WDR12: variants seen among roughly 807,000 people sequenced by gnomAD.
WDR12 encodes WD repeat domain 12, also known as ribosome biogenesis protein WDR12.
A neutral mutation model predicts 64.3 loss-of-function variants in WDR12; 42 were observed. The ratio of observed to expected loss-of-function variants is 0.65; its 90% CI spans 0.51 to 0.84. The LOEUF (loss-of-function observed/expected upper bound fraction) is 0.84, where lower values mean the gene tolerates loss of function less well. Among genes scored for constraint, WDR12 ranks in the 40% least tolerant of loss-of-function variants. The pLI, the probability that WDR12 is intolerant of heterozygous loss-of-function variation, is 0.00. For synonymous variants in WDR12, 158 were observed against 173.3 expected (o/e 0.91, Z 0.70); for missense variants, 469 against 494.6 (o/e 0.95, Z 0.49).
intron 2 of WDR12, among the ~76,000 whole-genome samples, chr2:202,903,930 G>A (rs1688402830): frequency 6.6e-6 from 1 of 151,984 alleles, no homozygotes; most frequent in Non-Finnish European, 1.5e-5. Context: ...CTGAGGTCAG[G>A]AGCTCGTGAC....
In WDR12 at chr2:202,881,613, T is replaced by C. The variant is rs554793187; in HGVS notation, c.1195-676A>G. Among the ~76,000 whole-genome samples, 14 of 152,228 alleles carry C rather than the reference T, an allele frequency of 9.2e-5. No homozygotes were observed. The East Asian group carries it at 2.7e-3, about 29-fold the overall frequency. ...TTGGGGAACACAGTGAGACCACGTC[T>C]CTACAAAAAATTTAAAAATTTGCCA... On this transcript the variant is annotated intron_variant, in intron 12 of 12. Transcript: ENST00000261015.
rs1057383435 is a variant in WDR12, at chr2:202,896,130, G to C, written c.544C>G (p.Leu182Val). 3.7e-6 allele frequency: 6 copies of C among 1,613,984 alleles called. No homozygotes were observed. The African/African-American group carries it at 6.7e-5, about 18-fold the overall frequency. ...CCAGCATGACCTCTACAGCAGTGTAGGGCTTTCACTTTGTTTCTCTCTACA... is the reference window on the plus strand; with the variant it reads ...CCAGCATGACCTCTACAGCAGTGTACGGCTTTCACTTTGTTTCTCTCTACA... Reference protein sequence around the residue: ...WNVERNKVKALHCCRGHAGSV... With the variant: ...WNVERNKVKAVHCCRGHAGSV... The change falls in exon 6 of 13, where the codon CTA becomes GTA. Residue 182 changes from leucine to valine, a missense_variant. Leu to Val is a conservative substitution (Grantham distance 32). Transcript: ENST00000261015.
intron 11 of WDR12, 167 bp from the exon 12 acceptor site, chr2:202,882,950 G>T (rs1687981636): frequency 1.9e-6 from 1 of 539,654 alleles, no homozygotes; most frequent in Non-Finnish European, 3.3e-6. Context: ...TCTTTTTCCT[G>T]TATCATTGGT....
chr2:202,892,717 A>G lies in WDR12; in HGVS notation c.656-15T>C, dbSNP rs1200818235. 1 of 1,581,810 alleles carries G rather than the reference A, an allele frequency of 6.3e-7. No individual in the cohort carries two copies. The highest frequency in any genetic ancestry group is 8.7e-7 in the Non-Finnish European group (1 of 1,152,682). On this transcript the variant is annotated splice_polypyrimidine_tract_variant and intron_variant, in intron 7 of 12. Transcript: ENST00000261015. ...ATCTGTAGGGACTGTGTCATAGAGA[A>G]TTAGATTTGACATTTTAAAAACAGT...
chr2:202,897,236 C>T (rs745469672), intron 5 of WDR12, 64 bp downstream of exon 5: 2 of 1,189,056 alleles, frequency 1.7e-6, no homozygotes, highest in Admixed American at 2.2e-5. Flanking sequence ...TCCCCAGCAC[C>T]AAAAATGGCT....
intron 2 of WDR12, among the ~76,000 whole-genome samples, chr2:202,903,184 A>G (rs1175537732): frequency 6.6e-6 from 1 of 152,230 alleles, no homozygotes; most frequent in Non-Finnish European, 1.5e-5. Flanking sequence ...AACAGAATGA[A>G]GGACAAAAAG....
chr2:202,908,808 AAG>A (rs1289933901), intron 1 of WDR12, among the ~76,000 whole-genome samples: 1 of 152,206 alleles, frequency 6.6e-6, no homozygotes, highest in Non-Finnish European at 1.5e-5. Context: ...AGACTCTTAT[AAG>A]AGAGACTGTG....
At chr2:202,910,842 T>C (rs967906169) in intron 1 of WDR12, among the ~76,000 whole-genome samples, 2 of 152,186 alleles carry the variant, frequency 1.3e-5, no homozygotes, top group African/African-American at 2.4e-5. Flanking sequence ...AACTTTAGCT[T>C]ATTAACACGA....
chr2:202,907,933 G>C lies in WDR12; in HGVS notation c.68C>G (p.Ser23Ter). The C allele has an allele frequency of 1.2e-6, 2 of 1,614,044 alleles. No individual in the cohort carries two copies. The highest frequency in any genetic ancestry group is 1.7e-6 in the Non-Finnish European group (2 of 1,179,966). ...GGCAATTTCAGAGGCAGCAGGGATT[G>C]AGAAGGGAACATCATCTACGGCATA... Reference protein sequence around the residue: ...KKYAVDDVPFSIPAASEIADL... With the variant: ...KKYAVDDVPF Residue 23 changes from serine (S) to a stop codon, truncating the protein, a stop_gained, in exon 2 of 13, where the codon TCA becomes TGA. Coordinates refer to ENST00000261015, the MANE Select transcript of WDR12 (RefSeq NM_018256.4). LOFTEE classifies it high-confidence loss of function.
intron 11 of WDR12, 171 bp downstream of exon 11, chr2:202,883,438 A>C: frequency 3.7e-6 from 3 of 817,874 alleles, no homozygotes; most frequent in Non-Finnish European, 5.4e-6. Context: ...GCCTGGCCAA[A>C]AATTTTTTTG....
At position 202,878,774 on chromosome 2, in the gene WDR12, C is replaced by A. The variant is rs1687903047; in HGVS notation, c.*2086G>T. 1 of 152,120 alleles carries A rather than the reference C, an allele frequency of 6.6e-6. No individual in the cohort carries two copies. Among genetic ancestry groups the A allele is most frequent in the African/African-American group, 2.4e-5 (1 of 41,398 alleles). The allele number at this position is 152,120 out of a possible 1,614,324, so 9.4% of individuals were successfully genotyped here. ...ATGTAATACCATCTAATAATGAGAC[C>A]AAACATATTTCCCAAATATTACTAA... On this transcript the variant is annotated 3_prime_UTR_variant, in exon 13 of 13. Transcript: ENST00000261015.
At position 202,876,858 on chromosome 2, in the gene WDR12, G is replaced by A. The variant is rs1012750110; in HGVS notation, c.*4002C>T. ...AGGTGGGAGGATCCCTTGAGTCCGGGAGTTAGAGGCTGCAGTGAGCTATAA... is the reference window on the plus strand; with the variant it reads ...AGGTGGGAGGATCCCTTGAGTCCGGAAGTTAGAGGCTGCAGTGAGCTATAA... On this transcript the variant is annotated 3_prime_UTR_variant, in exon 13 of 13. Coordinates refer to ENST00000261015, the MANE Select transcript of WDR12 (RefSeq NM_018256.4). 15 of 152,564 alleles carry A rather than the reference G, an allele frequency of 9.8e-5. No individual in the cohort carries two copies. Among genetic ancestry groups the A allele is most frequent in the Non-Finnish European group, 4.4e-5 (3 of 68,038 alleles). The allele number at this position is 152,564 out of a possible 1,614,324, so 9.5% of individuals were successfully genotyped here.
intron 8 of WDR12, 105 bp from the exon 9 acceptor site, chr2:202,884,640 C>T: frequency 8.3e-7 from 1 of 1,202,280 alleles, no homozygotes; most frequent in Non-Finnish European, 1.1e-6. Flanking sequence ...AGACAAACTG[C>T]CCATCTTTCA....
At chr2:202,881,511 T>G (rs1379640929) in intron 12 of WDR12, among the ~76,000 whole-genome samples, 1 of 152,176 alleles carries the variant, frequency 6.6e-6, no homozygotes, top group Admixed American at 6.5e-5. Flanking sequence ...CTAGGCACAG[T>G]GGCTCACACC....
intron 1 of WDR12, among the ~76,000 whole-genome samples, chr2:202,910,676 T>C (rs1688578950): frequency 6.6e-6 from 1 of 152,200 alleles, no homozygotes; most frequent in South Asian, 2.1e-4. Context: ...GCAATGTATG[T>C]AAGTAAGTAC....
At chr2:202,882,525 C>T (rs376432454) in intron 12 of WDR12, among the ~76,000 whole-genome samples, 186 bp downstream of exon 12, 5 of 152,118 alleles carry the variant, frequency 3.3e-5, no homozygotes, top group East Asian at 3.9e-4. Context: ...AGACGGGGTT[C>T]CACCTTGTTA....
At chr2:202,905,947 G>C (rs551494059) in intron 2 of WDR12, among the ~76,000 whole-genome samples, 6 of 152,090 alleles carry the variant, frequency 3.9e-5, no homozygotes, top group Admixed American at 1.3e-4. Flanking sequence ...GAATAAATAA[G>C]ATCTTGTATT....
At position 202,894,220 on chromosome 2, in the gene WDR12, A is replaced by ATT. The variant is rs146561964; in HGVS notation, c.655+359_655+360dup. On this transcript the variant is annotated intron_variant, in intron 7 of 12. Coordinates refer to ENST00000261015, the MANE Select transcript of WDR12 (RefSeq NM_018256.4). ...TAAAAAGTCCCCTTTCACTAAACTG[A>ATT]TTTTTTTTTTTTGAGACAGGTTCTC... Among the ~76,000 whole-genome samples, 1,404 of 148,526 alleles carry ATT rather than the reference A, an allele frequency of 9.5e-3. 43 individuals carry two copies. The highest frequency in any genetic ancestry group is 0.053 in the Admixed American group (795 of 14,904).
At chr2:202,901,205 G>T (rs1688343996) in intron 2 of WDR12, 86 bp from the exon 3 acceptor site, 2 of 911,934 alleles carry the variant, frequency 2.2e-6, no homozygotes, top group Non-Finnish European at 3.2e-6. Flanking sequence ...AAACAAACAG[G>T]TACCTATTAT....
Sources: gnomAD v4.1 joint callset for allele counts (sites outside exome capture counted in the v4.1 genomes callset) on GRCh38, gnomAD v4.1.1 for gene constraint, MANE v1.5 for transcripts, NCBI Gene and HGNC (gene_info 2026-07-23, HGNC 2026-07-21) for gene names.